Variants in FAM184B observed in about 807,000 individuals in gnomAD.
FAM184B encodes protein FAM184B.
Under a neutral mutation model 135.9 loss-of-function variants are expected in FAM184B, and 111 were observed. That is an observed-to-expected ratio of 0.82 (90% CI 0.70 to 0.96). FAM184B has a LOEUF of 0.96. Ranked by LOEUF, FAM184B falls within the 40% of genes least tolerant of loss-of-function variation. The pLI is 0.00. For missense variants in FAM184B, 1,375 were observed against 1,323.9 expected (o/e 1.04, Z -0.60); for synonymous variants, 552 against 524.8 (o/e 1.05, Z -0.71).
intron 1 of FAM184B, among the ~76,000 whole-genome samples, chr4:17,735,834 C>T (rs137984375): frequency 5.9e-5 from 9 of 152,252 alleles, no homozygotes; most frequent in African/African-American, 1.7e-4. Flanking sequence ...TTAGGACATA[C>T]ACCTACACAC....
At chr4:17,716,986 T>C (rs1717411557) in intron 1 of FAM184B, among the ~76,000 whole-genome samples, 1 of 152,070 alleles carries the variant, frequency 6.6e-6, no homozygotes, top group African/African-American at 2.4e-5. Flanking sequence ...GTTTTTTGTA[T>C]TTTTAGTAAA....
At chr4:17,690,632 A>G (rs910806391) in intron 6 of FAM184B, among the ~76,000 whole-genome samples, 9 of 152,206 alleles carry the variant, frequency 5.9e-5, no homozygotes, top group African/African-American at 1.9e-4. Flanking sequence ...AAGGAATATT[A>G]GAGAAAGAGA....
Position 17,632,488 on chromosome 4 carries a change from A to G in FAM184B, c.*44T>C. On this transcript the variant is annotated 3_prime_UTR_variant, in exon 18 of 18. Transcript: ENST00000265018. ...TTCCTTCAATCGGATGATTTAAAAT[A>G]AATGTTTTTCAAGTATCCTCTGTGA... 1 of 1,411,536 alleles carries G rather than the reference A, an allele frequency of 7.1e-7. No individual in the cohort carries two copies. The highest frequency in any genetic ancestry group is 9.7e-7 in the Non-Finnish European group (1 of 1,028,890). The allele number at this position is 1,411,536 out of a possible 1,614,324, so 87.4% of individuals were successfully genotyped here.
intron 1 of FAM184B, among the ~76,000 whole-genome samples, chr4:17,751,868 A>ACACACACACAC (rs1382691924): frequency 7.5e-4 from 43 of 57,050 alleles, no homozygotes; most frequent in Non-Finnish European, 1.4e-3. Flanking sequence ...CACACACACA[A>ACACACACACAC]AAGAACCAGG....
chr4:17,647,216 G>A (rs188215618), intron 12 of FAM184B, among the ~76,000 whole-genome samples: 77 of 151,474 alleles, frequency 5.1e-4, no homozygotes, highest in African/African-American at 1.6e-3. Flanking sequence ...CTTCGGGCAG[G>A]GGGGAGGGGA....
intron 8 of FAM184B, among the ~76,000 whole-genome samples, chr4:17,662,000 A>G (rs536283542): frequency 5.3e-5 from 8 of 152,358 alleles, no homozygotes; most frequent in Non-Finnish European, 1.0e-4. Flanking sequence ...GAACATTTTC[A>G]TTACCCAAAA....
intron 7 of FAM184B, among the ~76,000 whole-genome samples, chr4:17,671,607 AAG>A (rs2108947988): frequency 6.6e-6 from 1 of 152,252 alleles, no homozygotes; most frequent in Admixed American, 6.5e-5. Flanking sequence ...CAGAGAGTCA[AAG>A]AGAATAAAAA....
intron 1 of FAM184B, among the ~76,000 whole-genome samples, chr4:17,745,690 T>C (rs746875922): frequency 6.6e-6 from 1 of 152,214 alleles, no homozygotes; most frequent in Non-Finnish European, 1.5e-5. Flanking sequence ...AATAAATCTC[T>C]TGTACATCTA....
At chr4:17,633,129 C>T (rs982052346) in intron 17 of FAM184B, 1 of 154,792 alleles carries the variant, frequency 6.5e-6, no homozygotes, top group African/African-American at 2.4e-5. Flanking sequence ...ACCATGTTGC[C>T]CAGGCTGGTC....
chr4:17,707,816 G>C, intron 2 of FAM184B, 32 bp from the exon 3 acceptor site: 1 of 1,551,416 alleles, frequency 6.4e-7, no homozygotes, highest in Non-Finnish European at 8.7e-7. Flanking sequence ...CATTTCTCTG[G>C]TTATAGCTCT....
rs943138832 is a variant in FAM184B, at chr4:17,641,931, G to A, written c.2519+125C>T. 5 of 1,355,548 alleles carry A rather than the reference G, an allele frequency of 3.7e-6. No homozygotes were observed. In the African/African-American group the frequency reaches 6.2e-5, roughly 17 times the overall value. The allele number at this position is 1,355,548 out of a possible 1,614,324, so 84.0% of individuals were successfully genotyped here. ...GCGCATTCAGTGTCTAGTGTCTTGTGGGGCAGGATGCCGAGGCAGTGACCC... is the reference window on the plus strand; with the variant it reads ...GCGCATTCAGTGTCTAGTGTCTTGTAGGGCAGGATGCCGAGGCAGTGACCC... On this transcript the variant is annotated intron_variant, in intron 13 of 17. Transcript: ENST00000265018.
intron 10 of FAM184B, among the ~76,000 whole-genome samples, chr4:17,657,909 C>T (rs1715813816): frequency 6.6e-6 from 1 of 152,046 alleles, no homozygotes; most frequent in African/African-American, 2.4e-5. Flanking sequence ...CACCCACCTC[C>T]ACCTCCCAAA....
At chr4:17,655,280 A>C (rs1715756589) in intron 10 of FAM184B, among the ~76,000 whole-genome samples, 1 of 152,120 alleles carries the variant, frequency 6.6e-6, no homozygotes, top group Admixed American at 6.5e-5. Context: ...GGGGATGGAG[A>C]GGTTGAAGCC....
intron 1 of FAM184B, among the ~76,000 whole-genome samples, chr4:17,763,688 CTTA>C (rs896058004): frequency 2.6e-5 from 4 of 152,142 alleles, no homozygotes; most frequent in African/African-American, 9.7e-5. Context: ...CTAATGGACT[CTTA>C]TTCAGAGGCC....
intron 7 of FAM184B, among the ~76,000 whole-genome samples, chr4:17,676,482 T>G (rs1277881899): frequency 6.6e-6 from 1 of 152,256 alleles, no homozygotes; most frequent in Non-Finnish European, 1.5e-5. Flanking sequence ...CGAAGTGTAT[T>G]TTTTAATTAA....
chr4:17,766,024 G>A (rs553750858), intron 1 of FAM184B, among the ~76,000 whole-genome samples: 10 of 152,312 alleles, frequency 6.6e-5, no homozygotes, highest in East Asian at 5.8e-4. Context: ...TGAAGCTGCA[G>A]ACCTTCCCCG....
At chr4:17,669,318 C>A (rs1005521706) in intron 7 of FAM184B, among the ~76,000 whole-genome samples, 3 of 152,202 alleles carry the variant, frequency 2.0e-5, no homozygotes. Flanking sequence ...AGCCCAGCAG[C>A]AAATAACATA....
intron 11 of FAM184B, 119 bp downstream of exon 11, chr4:17,652,711 C>T (rs1486538598): frequency 2.4e-5 from 29 of 1,200,148 alleles, no homozygotes; most frequent in African/African-American, 1.4e-4. Flanking sequence ...CTGAGATTCC[C>T]GGAGCCGTGG....
At chr4:17,633,646 A>G (rs565032163) in intron 17 of FAM184B, 43 bp downstream of exon 17, 84 of 1,409,292 alleles carry the variant, frequency 6.0e-5, no homozygotes, top group Non-Finnish European at 7.5e-5. Context: ...TCTTATCTAC[A>G]GGGAAATAGA....
Sources: allele counts gnomAD v4.1 joint callset (sites outside exome capture counted in the v4.1 genomes callset), GRCh38; gene constraint gnomAD v4.1.1; transcripts MANE v1.5; gene names NCBI Gene and HGNC (gene_info 2026-07-23, HGNC 2026-07-21).